Variants in SLC9C1 observed in about 807,000 individuals in gnomAD.
The protein encoded by SLC9C1 is sodium/hydrogen exchanger 10.
A neutral mutation model predicts 140.9 loss-of-function variants in SLC9C1; 97 were observed. That is an observed-to-expected ratio of 0.69 (90% CI 0.58 to 0.82). The LOEUF (loss-of-function observed/expected upper bound fraction) is 0.82. Ranked by LOEUF, SLC9C1 falls within the 40% of genes least tolerant of loss-of-function variation. SLC9C1 has a pLI of 0.00. For missense variants in SLC9C1, 1,340 were observed against 1,389.3 expected (o/e 0.96, Z 0.56); for synonymous variants, 440 against 442.6 (o/e 0.99, Z 0.07).
chr3:112,155,514 A>C (rs1250967737), intron 26 of SLC9C1, among the ~76,000 whole-genome samples: 1 of 152,178 alleles, frequency 6.6e-6, no homozygotes, highest in African/African-American at 2.4e-5. Flanking sequence ...GGAGAGTCAC[A>C]TAGCGCAGTT....
At position 112,143,672 on chromosome 3, in the gene SLC9C1, A is replaced by G. The variant is rs561283283; in HGVS notation, c.3525-2391T>C. Among the ~76,000 whole-genome samples, 4 of 152,320 alleles carry G rather than the reference A, an allele frequency of 2.6e-5. No homozygotes were observed. In the East Asian group the frequency reaches 5.8e-4, roughly 22 times the overall value. On this transcript the variant is annotated intron_variant, in intron 28 of 28. Coordinates refer to ENST00000305815, the MANE Select transcript of SLC9C1 (RefSeq NM_183061.3). ...GCACAGTTTGGGAATATTTTCTCCC[A>G]TACTGTAGGTTGTCTGTTTATTCTA...
At chr3:112,271,800 G>A (rs13097307) in intron 6 of SLC9C1, among the ~76,000 whole-genome samples, 44,982 of 151,918 alleles carry the variant, frequency 0.3, 7,213 homozygotes, top group East Asian at 0.43. Flanking sequence ...CCTGCATTAT[G>A]TTGGCCTGCC....
chr3:112,267,575 CAAAAAA>C (rs71933510), intron 7 of SLC9C1, among the ~76,000 whole-genome samples: 17 of 56,846 alleles, frequency 3.0e-4, no homozygotes, highest in African/African-American at 1.0e-3. Context: ...GACTCCGTCT[CAAAAAA>C]AAAAAAAAAA....
intron 7 of SLC9C1, among the ~76,000 whole-genome samples, chr3:112,269,168 A>C (rs1483167406): frequency 6.6e-6 from 1 of 152,078 alleles, no homozygotes; most frequent in Non-Finnish European, 1.5e-5. Flanking sequence ...CCCGGGCTGG[A>C]GTGCGATCAT....
chr3:112,217,217 A>AG (rs1286591246), intron 15 of SLC9C1, among the ~76,000 whole-genome samples: 2 of 151,938 alleles, frequency 1.3e-5, no homozygotes, highest in South Asian at 2.1e-4. Context: ...GGGTGAGGGG[A>AG]GGGGGGAAGG....
chr3:112,237,718 C>T (rs1010233272), intron 12 of SLC9C1, among the ~76,000 whole-genome samples: 1 of 152,128 alleles, frequency 6.6e-6, no homozygotes, highest in Non-Finnish European at 1.5e-5. Flanking sequence ...GCTTATGAAG[C>T]TTAGTTTGGC....
At position 112,206,400 on chromosome 3, in the gene SLC9C1, G is replaced by A. The variant is rs189802037; in HGVS notation, c.1986+1778C>T. On this transcript the variant is annotated intron_variant, in intron 16 of 28. Coordinates refer to ENST00000305815, the MANE Select transcript of SLC9C1 (RefSeq NM_183061.3). ...GAACAGTTTTACACTGTTGGTGGGA[G>A]TAGAAACTAGTTCAACCATTGTGGA... Among the ~76,000 whole-genome samples the A allele has an allele frequency of 9.9e-5, 15 of 152,226 alleles. No individual in the cohort carries two copies. The East Asian group carries it at 2.7e-3, about 27-fold the overall frequency.
At chr3:112,158,785 G>A (rs2075201137) in intron 26 of SLC9C1, among the ~76,000 whole-genome samples, 3 of 151,524 alleles carry the variant, frequency 2.0e-5, no homozygotes, top group Admixed American at 2.0e-4. Flanking sequence ...ATTTCTTCTA[G>A]GTTTTCCAAT....
rs2077887158 is a variant in SLC9C1 at position 112,200,779 on chromosome 3, A to T, written c.2323-17T>A. 1.3e-6 allele frequency: 2 copies of T among 1,597,642 alleles called. No homozygotes were observed. The highest frequency in any genetic ancestry group is 1.7e-6 in the Non-Finnish European group (2 of 1,171,436). ...TAATAACATCTAAGGAACAAAAGAA[A>T]TGTTATCCCCATTGGAAAAACAGAC... is the stretch of plus-strand genomic sequence containing the variant. On this transcript the variant is annotated splice_polypyrimidine_tract_variant and intron_variant, in intron 18 of 28. Transcript: ENST00000305815.
At chr3:112,174,641 T>C (rs1403716509) in intron 23 of SLC9C1, among the ~76,000 whole-genome samples, 7 of 152,060 alleles carry the variant, frequency 4.6e-5, no homozygotes, top group Non-Finnish European at 1.0e-4. Context: ...GTTGGGGTGG[T>C]GGTTCACCTC....
chr3:112,202,958 A>G (rs1202035656), intron 17 of SLC9C1, among the ~76,000 whole-genome samples: 1 of 151,830 alleles, frequency 6.6e-6, no homozygotes, highest in East Asian at 1.9e-4. Context: ...TTTTCTATCT[A>G]TGTTCCACAA....
At chr3:112,242,642 ATAAT>A (rs1402812868) in intron 11 of SLC9C1, among the ~76,000 whole-genome samples, 1 of 152,182 alleles carries the variant, frequency 6.6e-6, no homozygotes, top group Non-Finnish European at 1.5e-5. Flanking sequence ...ATAGTCAAGA[ATAAT>A]TAATTGTGCA....
chr3:112,240,293 G>A (rs1409556048), intron 11 of SLC9C1, among the ~76,000 whole-genome samples: 4 of 152,140 alleles, frequency 2.6e-5, no homozygotes, highest in Non-Finnish European at 4.4e-5. Context: ...TGGTTATTTG[G>A]CCACCTTTTG....
intron 20 of SLC9C1, among the ~76,000 whole-genome samples, chr3:112,190,441 T>G (rs2077633575): frequency 6.6e-6 from 1 of 152,212 alleles, no homozygotes; most frequent in African/African-American, 2.4e-5. Context: ...GTTTTTAGCA[T>G]GAATGGCCGT....
chr3:112,248,848 C>T (rs1164699105), intron 10 of SLC9C1, among the ~76,000 whole-genome samples: 1 of 152,084 alleles, frequency 6.6e-6, no homozygotes, highest in Non-Finnish European at 1.5e-5. Flanking sequence ...TCTTCAAACT[C>T]TATTTCACAA....
intron 11 of SLC9C1, among the ~76,000 whole-genome samples, chr3:112,240,745 C>A (rs1220954265): frequency 6.6e-6 from 1 of 152,168 alleles, no homozygotes; most frequent in Non-Finnish European, 1.5e-5. Flanking sequence ...TCTGCATTAT[C>A]TTTTAAGATT....
At chr3:112,219,364 T>C (rs1016517192) in intron 14 of SLC9C1, among the ~76,000 whole-genome samples, 1 of 152,266 alleles carries the variant, frequency 6.6e-6, no homozygotes, top group South Asian at 2.1e-4. Flanking sequence ...GGAATACCAT[T>C]TTGCTAATAT....
intron 14 of SLC9C1, 87 bp from the exon 15 acceptor site, chr3:112,217,648 G>A (rs2078421419): frequency 1.7e-6 from 2 of 1,195,730 alleles, no homozygotes; most frequent in Non-Finnish European, 2.2e-6. Context: ...TTGTACATAA[G>A]TTTAATTTTG....
intron 15 of SLC9C1, among the ~76,000 whole-genome samples, chr3:112,215,740 G>A (rs979537682): frequency 6.6e-6 from 1 of 152,064 alleles, no homozygotes; most frequent in African/African-American, 2.4e-5. Context: ...TCCATGCTCT[G>A]GGGTAGGAAG....
Sources: allele counts gnomAD v4.1 joint callset (sites outside exome capture counted in the v4.1 genomes callset), GRCh38; gene constraint gnomAD v4.1.1; transcripts MANE v1.5; gene names NCBI Gene and HGNC (gene_info 2026-07-23, HGNC 2026-07-21).